Variants in HELB observed in about 807,000 individuals in gnomAD.
HELB encodes the protein DNA 5'-3' helicase B.
In HELB, 96 loss-of-function variants were observed where a neutral mutation model predicts 101.7. That is an observed-to-expected ratio of 0.94 (90% CI 0.80 to 1.12). HELB has a LOEUF of 1.12. Ranked by LOEUF, HELB falls within the 50% of genes most tolerant of loss-of-function variation. The pLI, the probability that HELB is intolerant of heterozygous loss-of-function variation, is 0.00. For synonymous variants in HELB, 437 were observed against 459.7 expected, an observed-to-expected ratio of 0.95 and a Z score of 0.63; for missense variants, 1,210 against 1,291.9, an observed-to-expected ratio of 0.94 and a Z score of 0.97.
chr12:66,323,812 G>A (rs544247217), intron 9 of HELB, among the ~76,000 whole-genome samples, 171 bp from the exon 10 acceptor site: 1 of 152,282 alleles, frequency 6.6e-6, no homozygotes, highest in African/African-American at 2.4e-5. Flanking sequence ...ATAATCAGAT[G>A]ACAGCTATGG....
intron 1 of HELB, among the ~76,000 whole-genome samples, chr12:66,304,105 G>A (rs138754187): frequency 5.9e-4 from 90 of 152,332 alleles, no homozygotes; most frequent in African/African-American, 2.1e-3. Context: ...TAGCATGTTT[G>A]GTGCTGGGAA....
rs150502729 is a variant in HELB, at chr12:66,324,229, A to G, written c.2526+18A>G. On this transcript the variant is annotated intron_variant, in intron 10 of 12. Coordinates refer to ENST00000247815, the MANE Select transcript of HELB (RefSeq NM_001370285.1). ...TAACAAATGTAAGTGAAAACAGAAG[A>G]TAATATCTTTTAACTAATTAGAGAT... The G allele has an allele frequency of 1.3e-6, 2 of 1,501,730 alleles. No individual in the cohort carries two copies. Among genetic ancestry groups the G allele is most frequent in the South Asian group, 2.3e-5 (2 of 88,340 alleles). 93.0% of individuals were successfully genotyped at this position (1,501,730 alleles called of 1,614,324 possible). A position where few individuals can be genotyped will look rare whatever the true frequency, so the allele number is the denominator to read the frequency against.
chr12:66,336,552 A>C (rs914079693), intron 12 of HELB, among the ~76,000 whole-genome samples: 1 of 152,222 alleles, frequency 6.6e-6, no homozygotes, highest in African/African-American at 2.4e-5. Flanking sequence ...AACCCAGGGG[A>C]GAAAGTGCTG....
In HELB at chr12:66,310,580, C is replaced by CTGGT; in HGVS notation, c.1653_1656dup (p.Leu553TrpfsTer13). ...GCAGCTGGCTTACTAAGACAGAAAA[C>CTGGT]TGGTCTTCATGCCTACACACTGTGT... On this transcript the variant is annotated frameshift_variant, in exon 4 of 13. Transcript: ENST00000247815. LOFTEE classifies it high-confidence loss of function. The CTGGT allele has an allele frequency of 6.2e-7, 1 of 1,613,710 alleles. No individual in the cohort carries two copies. The highest frequency in any genetic ancestry group is 8.5e-7 in the Non-Finnish European group (1 of 1,179,876).
intron 4 of HELB, among the ~76,000 whole-genome samples, chr12:66,310,846 A>G (rs139061595): frequency 0.031 from 4,788 of 152,196 alleles, 208 homozygotes; most frequent in Admixed American, 0.097. Flanking sequence ...CAGGAGAATC[A>G]TTTGAACCCA....
chr12:66,304,085 A>T (rs1049616340), intron 1 of HELB, among the ~76,000 whole-genome samples: 1 of 152,252 alleles, frequency 6.6e-6, no homozygotes, highest in Admixed American at 6.5e-5. Flanking sequence ...CTAAAGTATC[A>T]TCAACTGGCT....
At chr12:66,310,660 A>C (rs1445259831) in intron 4 of HELB, 52 bp downstream of exon 4, 1 of 1,522,784 alleles carries the variant, frequency 6.6e-7, no homozygotes, top group South Asian at 1.2e-5. Flanking sequence ...GGCCGGGCAC[A>C]GTGGCTCACG....
At chr12:66,338,676 A>T (rs1387583474), downstream of HELB, 3 of 152,396 alleles carry the variant, frequency 2.0e-5, no homozygotes, top group African/African-American at 7.2e-5. Context: ...AAACAAAAAA[A>T]AACAAACAAT....
At chr12:66,339,317 T>C (rs61925881), downstream of HELB, 1 of 150,920 alleles carries the variant, frequency 6.6e-6, no homozygotes, top group South Asian at 2.1e-4. Context: ...TTTTTTTTTT[T>C]AATGATAGAG....
intron 6 of HELB, among the ~76,000 whole-genome samples, chr12:66,317,781 T>A (rs999587978): frequency 1.3e-5 from 2 of 152,208 alleles, no homozygotes; most frequent in African/African-American, 2.4e-5. Context: ...AAATCTATGA[T>A]GATTCTTCAG....
At chr12:66,304,657 T>G (rs2053450552) in intron 1 of HELB, 74 bp from the exon 2 acceptor site, 1 of 1,392,086 alleles carries the variant, frequency 7.2e-7, no homozygotes, top group Non-Finnish European at 9.8e-7. Context: ...GTAAGTTTGA[T>G]GAAACTTTGA....
chr12:66,322,336 G>A (rs1400543578), intron 8 of HELB, among the ~76,000 whole-genome samples: 4 of 152,050 alleles, frequency 2.6e-5, no homozygotes, highest in Non-Finnish European at 4.4e-5. Flanking sequence ...GCCGAGGCAG[G>A]CAGATCACTT....
chr12:66,328,833 G>A (rs913269988), intron 11 of HELB, among the ~76,000 whole-genome samples: 6 of 152,096 alleles, frequency 3.9e-5, no homozygotes, highest in African/African-American at 1.2e-4. Context: ...GTTAGCTTAA[G>A]TAAAATACAG....
At chr12:66,329,720 AT>A (rs2053783602) in intron 11 of HELB, among the ~76,000 whole-genome samples, 1 of 152,160 alleles carries the variant, frequency 6.6e-6, no homozygotes, top group South Asian at 2.1e-4. Flanking sequence ...AGGGAGACTG[AT>A]AATGAGACCA....
At chr12:66,343,023 T>C (rs1191366447), downstream of HELB, 1 of 152,140 alleles carries the variant, frequency 6.6e-6, no homozygotes, top group African/African-American at 2.4e-5. Flanking sequence ...GCCAGCACCA[T>C]ATTGTCTTTA....
At chr12:66,332,870 GTTTTC>G (rs2053825443) in intron 12 of HELB, among the ~76,000 whole-genome samples, 1 of 152,152 alleles carries the variant, frequency 6.6e-6, no homozygotes, top group African/African-American at 2.4e-5. Context: ...TTTGATTCCA[GTTTTC>G]TCAACATCAT....
chr12:66,307,324 T>G (rs1008666778), intron 3 of HELB, among the ~76,000 whole-genome samples: 1 of 152,024 alleles, frequency 6.6e-6, no homozygotes, highest in East Asian at 1.9e-4. Flanking sequence ...TGGAGAAGAG[T>G]GGAAGAGCAA....
chr12:66,338,300 A>G (rs961487557), downstream of HELB: 15 of 510,828 alleles, frequency 2.9e-5, 1 homozygote, highest in South Asian at 3.5e-4. Context: ...AGCACTGGAC[A>G]TAAGTGAAGA....
intron 6 of HELB, among the ~76,000 whole-genome samples, chr12:66,317,240 A>G (rs1339533818): frequency 6.6e-6 from 1 of 151,892 alleles, no homozygotes; most frequent in Non-Finnish European, 1.5e-5. Flanking sequence ...AAGAAAGTTT[A>G]TGAATTTGTG....
Sources: gnomAD v4.1 joint callset for allele counts (sites outside exome capture counted in the v4.1 genomes callset) on GRCh38, gnomAD v4.1.1 for gene constraint, MANE v1.5 for transcripts, NCBI Gene and HGNC (gene_info 2026-07-23, HGNC 2026-07-21) for gene names.